ASIC2: variants seen among roughly 807,000 people sequenced by gnomAD.
ASIC2 encodes acid sensing ion channel subunit 2, also known as acid-sensing ion channel 2.
ASIC2 carries 25 observed loss-of-function variants against 57.3 expected under a neutral mutation model. The ratio of observed to expected loss-of-function variants is 0.44; its 90% CI spans 0.32 to 0.61. The LOEUF is 0.61. Among genes scored for constraint, ASIC2 ranks in the 20% least tolerant of loss-of-function variants. The probability of loss-of-function intolerance (pLI) is 0.06; values close to 1 mark genes in which losing one functional copy is unlikely to be tolerated. For synonymous variants in ASIC2, 319 were observed against 307.5 expected, an observed-to-expected ratio of 1.04 and a Z score of -0.39; for missense variants, 641 against 738.1, an observed-to-expected ratio of 0.87 and a Z score of 1.52.
At chr17:33,418,825 C>T (rs58988528) in intron 1 of ASIC2, among the ~76,000 whole-genome samples, 1,703 of 152,126 alleles carry the variant, frequency 0.011, 25 homozygotes, top group African/African-American at 0.037. Flanking sequence ...AGCTGGAAAC[C>T]ATCATTCTCA....
chr17:33,272,726 T>G, intron 1 of ASIC2, among the ~76,000 whole-genome samples: 1 of 152,230 alleles, frequency 6.6e-6, no homozygotes, highest in East Asian at 1.9e-4. Flanking sequence ...TTGTCAGTAG[T>G]AGCAATAATC....
intron 1 of ASIC2, among the ~76,000 whole-genome samples, chr17:34,080,616 A>C (rs1255981055): frequency 6.6e-6 from 1 of 152,122 alleles, no homozygotes; most frequent in African/African-American, 2.4e-5. Flanking sequence ...AGCCCCTCTA[A>C]AGTAGGCTAG....
intron 1 of ASIC2, among the ~76,000 whole-genome samples, chr17:33,190,176 G>A (rs564354910): frequency 1.3e-5 from 2 of 152,260 alleles, no homozygotes; most frequent in Admixed American, 6.5e-5. Flanking sequence ...ACTAATAAAT[G>A]TGTTTAGTAA....
intron 1 of ASIC2, among the ~76,000 whole-genome samples, chr17:33,418,491 T>C (rs1342175493): frequency 6.6e-6 from 1 of 152,238 alleles, no homozygotes. Context: ...CTAGGGTTTT[T>C]ATGGTTTTAG....
intron 1 of ASIC2, among the ~76,000 whole-genome samples, chr17:33,468,694 A>G (rs1350933434): frequency 6.7e-6 from 1 of 150,370 alleles, no homozygotes; most frequent in Admixed American, 6.6e-5. Context: ...CCCCCCACAC[A>G]CATACATACT....
chr17:34,053,925 C>A (rs926871009), intron 1 of ASIC2, among the ~76,000 whole-genome samples: 2 of 152,228 alleles, frequency 1.3e-5, no homozygotes, highest in Non-Finnish European at 2.9e-5. Context: ...CCTGACAAGA[C>A]TCAGGTACCT....
chr17:33,928,925 G>A (rs11869694), intron 1 of ASIC2, among the ~76,000 whole-genome samples: 7,350 of 152,132 alleles, frequency 0.048, 607 homozygotes, highest in African/African-American at 0.17. Flanking sequence ...CTCCTGGCCC[G>A]TTTCTGGGAG....
At position 34,083,916 on chromosome 17, in the gene ASIC2, A is replaced by G. The variant is rs1391462348; in HGVS notation, c.555+72062T>C. Among the ~76,000 whole-genome samples, 3 of 152,008 alleles carry G rather than the reference A, an allele frequency of 2.0e-5. No homozygotes were observed. The East Asian group carries it at 5.8e-4, about 29-fold the overall frequency. On this transcript the variant is annotated intron_variant, in intron 1 of 9. Transcript: ENST00000359872. ...TGTTTGAGTTCATTGTGGATTCTGG[A>G]TATTAGCCCTTTGTCAGATGAGTAG...
At chr17:33,194,546 C>A (rs1357246854) in intron 1 of ASIC2, among the ~76,000 whole-genome samples, 1 of 152,154 alleles carries the variant, frequency 6.6e-6, no homozygotes, top group African/African-American at 2.4e-5. Flanking sequence ...ATTACTTCTT[C>A]TTTTTAAAGA....
chr17:33,123,528 A>T lies in ASIC2; in HGVS notation c.709-11461T>A, dbSNP rs534507064. ...GTTGCTTGCCTAATCTTGTGATTAC[A>T]ACCCTATTCTTGCTTCTAACTGCTG... On this transcript the variant is annotated intron_variant, in intron 1 of 9. Coordinates refer to ENST00000225823, the MANE Select transcript of ASIC2 (RefSeq NM_183377.2). Among the ~76,000 whole-genome samples, 6 of 152,262 alleles carry T rather than the reference A, an allele frequency of 3.9e-5. No homozygotes were observed. The East Asian group carries it at 1.2e-3, about 29-fold the overall frequency.
intron 2 of ASIC2, 105 bp from the exon 3 acceptor site, chr17:33,089,095 G>T: frequency 6.8e-7 from 1 of 1,464,172 alleles, no homozygotes. Context: ...CCTGTGATAA[G>T]CAGAATAATG....
chr17:33,296,360 C>T (rs1905721801), upstream of ASIC2, among the ~76,000 whole-genome samples: 1 of 152,086 alleles, frequency 6.6e-6, no homozygotes, highest in Non-Finnish European at 1.5e-5. Flanking sequence ...CAGCCCTAGT[C>T]CACGCTGCCT....
In ASIC2 at chr17:33,171,787, C is replaced by A. The variant is rs374048337; in HGVS notation, c.709-59720G>T. Among the ~76,000 whole-genome samples the A allele has an allele frequency of 2.0e-5, 3 of 152,326 alleles. No homozygotes were observed. In the South Asian group the frequency reaches 6.2e-4, roughly 32 times the overall value. On this transcript the variant is annotated intron_variant, in intron 1 of 9. Coordinates refer to ENST00000225823, the MANE Select transcript of ASIC2 (RefSeq NM_183377.2). ...TTTTTAGCCATCTCCAACCTCATCT[C>A]ACTCTGGGCTCTATTCCCTTGGGCC...
rs181050420 is a variant in ASIC2, at chr17:33,186,209, C to G, written c.709-74142G>C. Among the ~76,000 whole-genome samples the G allele has an allele frequency of 3.5e-3, 527 of 152,118 alleles. 5 individuals are homozygous for G. The highest frequency in any genetic ancestry group is 0.012 in the African/African-American group (494 of 41,496). On this transcript the variant is annotated intron_variant, in intron 1 of 9. Coordinates refer to ENST00000225823, the MANE Select transcript of ASIC2 (RefSeq NM_183377.2). The stretch of plus-strand genomic sequence containing the variant: ...AACTGCAACCTCCATCTCCAGAGTT[C>G]AAGTGATTCTCCTGCCTCAGACTCT...
At chr17:33,015,925 C>G (rs923522820) in intron 9 of ASIC2, 46 bp downstream of exon 9, 14 of 1,604,372 alleles carry the variant, frequency 8.7e-6, no homozygotes, top group Middle Eastern at 1.7e-4. Flanking sequence ...ACTGCCGGTA[C>G]AAGCCAGAGC....
At chr17:33,234,435 G>A (rs1908220093) in intron 1 of ASIC2, among the ~76,000 whole-genome samples, 2 of 152,180 alleles carry the variant, frequency 1.3e-5, no homozygotes, top group Non-Finnish European at 2.9e-5. Context: ...TGCAGCGGCA[G>A]ACCCTGTGGT....
At chr17:33,246,152 G>A (rs770106507) in intron 1 of ASIC2, among the ~76,000 whole-genome samples, 8 of 152,118 alleles carry the variant, frequency 5.3e-5, no homozygotes, top group Non-Finnish European at 1.2e-4. Context: ...CAGTCATGAT[G>A]GAGCTAGGTC....
intron 1 of ASIC2, among the ~76,000 whole-genome samples, chr17:34,079,442 T>C (rs1014044641): frequency 7.9e-5 from 12 of 152,220 alleles, no homozygotes; most frequent in Admixed American, 4.6e-4. Context: ...TAGGACTATA[T>C]CCTTTCAGGG....
chr17:33,760,832 C>T (rs1308406200), intron 1 of ASIC2, among the ~76,000 whole-genome samples: 2 of 152,054 alleles, frequency 1.3e-5, no homozygotes, highest in African/African-American at 2.4e-5. Context: ...CTTCTTGAGC[C>T]CTTTAAATTT....
Sources: gnomAD v4.1 joint callset for allele counts (sites outside exome capture counted in the v4.1 genomes callset) on GRCh38, gnomAD v4.1.1 for gene constraint, MANE v1.5 for transcripts, NCBI Gene and HGNC (gene_info 2026-07-23, HGNC 2026-07-21) for gene names.